The following IL1RAPL2 variants were observed in gnomAD, a reference collection of about 807,000 sequenced individuals.
IL1RAPL2 encodes the protein X-linked interleukin-1 receptor accessory protein-like 2.
In IL1RAPL2, 3 loss-of-function variants were observed where a neutral mutation model predicts 44.1. That is an observed-to-expected ratio of 0.07 (90% CI 0.03 to 0.18). IL1RAPL2 has a LOEUF of 0.18. IL1RAPL2 is among the 10% of genes least tolerant of loss of function. IL1RAPL2 has a pLI of 1.00. For synonymous variants in IL1RAPL2, 181 were observed against 178.8 expected (o/e 1.01, Z -0.10); for missense variants, 391 against 496.4 (o/e 0.79, Z 2.02).
At chrX:105,184,193 G>T (rs1376062820) in intron 2 of IL1RAPL2, among the ~76,000 whole-genome samples, 2 of 111,429 alleles carry the variant, frequency 1.8e-5, no homozygotes, top group East Asian at 5.7e-4. Context: ...GGTGTTTCCT[G>T]TCACTTCTTT....
chrX:104,973,978 T>C (rs931462573), intron 2 of IL1RAPL2, among the ~76,000 whole-genome samples: 11 of 112,196 alleles, frequency 9.8e-5, no homozygotes, highest in African/African-American at 3.2e-4. Context: ...TGAACCTTTC[T>C]TTCAATAACT....
At chrX:105,113,028 C>T (rs1442548987) in intron 2 of IL1RAPL2, among the ~76,000 whole-genome samples, 1 of 112,460 alleles carries the variant, frequency 8.9e-6, no homozygotes, top group Non-Finnish European at 1.9e-5. Flanking sequence ...CAGATCTCAC[C>T]TCTGGTAACC....
At chrX:104,790,947 A>T (rs747057657) in intron 2 of IL1RAPL2, among the ~76,000 whole-genome samples, 60 of 111,887 alleles carry the variant, frequency 5.4e-4, no homozygotes, top group African/African-American at 1.9e-3. Context: ...TTGCATAATG[A>T]CCACGTGCCA....
At chrX:105,384,595 C>G (rs1443265790) in intron 5 of IL1RAPL2, among the ~76,000 whole-genome samples, 1 of 110,844 alleles carries the variant, frequency 9.0e-6, no homozygotes, top group Non-Finnish European at 1.9e-5. Context: ...TATTCTGGGT[C>G]TTTTGTGGTT....
chrX:105,416,521 T>C (rs1200769585), intron 5 of IL1RAPL2, among the ~76,000 whole-genome samples: 4 of 112,371 alleles, frequency 3.6e-5, no homozygotes, highest in Admixed American at 2.8e-4. Flanking sequence ...TACTTCTTCA[T>C]AGAATTGTTA....
chrX:105,331,684 C>T (rs1271914159), intron 5 of IL1RAPL2, among the ~76,000 whole-genome samples: 1 of 111,638 alleles, frequency 9.0e-6, no homozygotes, highest in Non-Finnish European at 1.9e-5. Context: ...TTGGTGTTTT[C>T]CTCCTGTTTT....
intron 2 of IL1RAPL2, among the ~76,000 whole-genome samples, chrX:104,753,705 T>C (rs1932300387): frequency 8.9e-6 from 1 of 111,801 alleles, no homozygotes; most frequent in Admixed American, 9.5e-5. Context: ...GTATGTACTG[T>C]GTTTTGAAAC....
intron 1 of IL1RAPL2, among the ~76,000 whole-genome samples, chrX:104,577,422 G>A (rs902568485): frequency 8.9e-6 from 1 of 111,961 alleles, no homozygotes; most frequent in Non-Finnish European, 1.9e-5. Context: ...TGGAGGAAGT[G>A]GACAGTTGTG....
intron 5 of IL1RAPL2, 119 bp downstream of exon 5, chrX:105,267,660 A>T: frequency 1.9e-6 from 1 of 521,539 alleles, no homozygotes; most frequent in East Asian, 3.6e-5. Context: ...CTGCAAATCA[A>T]ATAGTTGAGA....
In IL1RAPL2 at chrX:105,471,252, G is replaced by A. The variant is rs2036163960; in HGVS notation, c.698-13061G>A. On this transcript the variant is annotated intron_variant, in intron 5 of 10. Transcript: ENST00000372582. ...ATCAAGGAAATGGAGTCCCAGAGGA[G>A]CTTAGGAATCATGACCAAGGTCACA... Among the ~76,000 whole-genome samples the A allele has an allele frequency of 3.6e-5, 4 of 111,720 alleles. 1 individual carries two copies. Among genetic ancestry groups the A allele is most frequent in the Admixed American group, 1.9e-4 (2 of 10,539 alleles).
At chrX:104,872,872 TA>T (rs746318891) in intron 2 of IL1RAPL2, among the ~76,000 whole-genome samples, 11 of 110,925 alleles carry the variant, frequency 9.9e-5, no homozygotes, top group Admixed American at 3.9e-4. Context: ...AACCCATAAA[TA>T]AAAAGTATAA....
intron 6 of IL1RAPL2, among the ~76,000 whole-genome samples, chrX:105,650,418 T>C (rs2037635167): frequency 8.9e-6 from 1 of 111,881 alleles, no homozygotes; most frequent in Admixed American, 9.5e-5. Flanking sequence ...TTATGTGTTT[T>C]TGTTTGTTTG....
intron 2 of IL1RAPL2, among the ~76,000 whole-genome samples, chrX:104,796,190 C>T (rs1193226221): frequency 3.6e-5 from 4 of 112,448 alleles, no homozygotes; most frequent in Non-Finnish European, 7.5e-5. Context: ...GGTGTAACTA[C>T]ATCTGCCCTA....
At chrX:105,477,154 T>A (rs2036203199) in intron 5 of IL1RAPL2, among the ~76,000 whole-genome samples, 2 of 111,665 alleles carry the variant, frequency 1.8e-5, no homozygotes, top group South Asian at 7.5e-4. Flanking sequence ...AAAATAGAGA[T>A]CACAAAATTA....
intron 2 of IL1RAPL2, among the ~76,000 whole-genome samples, chrX:104,780,636 G>A (rs1932765955): frequency 1.8e-5 from 2 of 111,395 alleles, no homozygotes; most frequent in Admixed American, 9.6e-5. Flanking sequence ...TTGGAAATTG[G>A]CAAAAATAAA....
rs1336391727 is a variant in IL1RAPL2 at position 105,311,641 on chromosome X, C to CACAT, written c.697+44101_697+44102insCATA. Among the ~76,000 whole-genome samples, 18 of 101,515 alleles carry CACAT rather than the reference C, an allele frequency of 1.8e-4. No homozygotes were observed. In the East Asian group the frequency reaches 1.8e-3, roughly 10 times the overall value. The allele number at this position is 101,515 out of a possible 115,157, so 88.2% of individuals were successfully genotyped here. ...ACACACACACACACACACACACACA[C>CACAT]ATATATATATATATATACACACAGA... On this transcript the variant is annotated intron_variant, in intron 5 of 10. Transcript: ENST00000372582.
chrX:105,172,847 G>A (rs190732063), intron 2 of IL1RAPL2, among the ~76,000 whole-genome samples: 85 of 111,541 alleles, frequency 7.6e-4, no homozygotes, highest in African/African-American at 2.6e-3. Context: ...CTACAAGAGT[G>A]TTTATGGAGT....
chrX:104,739,900 T>G (rs1932074525), intron 2 of IL1RAPL2, among the ~76,000 whole-genome samples: 1 of 111,632 alleles, frequency 9.0e-6, no homozygotes. Flanking sequence ...TATATCTAAT[T>G]AGGTCATGTA....
At chrX:105,090,734 T>C (rs1157358623) in intron 2 of IL1RAPL2, among the ~76,000 whole-genome samples, 1 of 112,284 alleles carries the variant, frequency 8.9e-6, no homozygotes, top group African/African-American at 3.2e-5. Context: ...ATCTCAGGAA[T>C]GAGAGTTCTT....
Sources: gnomAD v4.1 joint callset for allele counts (sites outside exome capture counted in the v4.1 genomes callset) on GRCh38, gnomAD v4.1.1 for gene constraint, MANE v1.5 for transcripts, NCBI Gene and HGNC (gene_info 2026-07-23, HGNC 2026-07-21) for gene names.